Variants in DMD observed in about 807,000 individuals in gnomAD.
DMD encodes dystrophin.
In DMD, 63 loss-of-function variants were observed where a neutral mutation model predicts 330.1. The ratio of observed to expected loss-of-function variants is 0.19; its 90% CI spans 0.16 to 0.24. DMD has a LOEUF of 0.24. Ranked by LOEUF, DMD falls within the 10% of genes least tolerant of loss-of-function variation. The pLI is 1.00. For missense variants in DMD, 3,344 were observed against 2,684.1 expected, an observed-to-expected ratio of 1.25 and a Z score of -5.43; for synonymous variants, 1,223 against 959.8, an observed-to-expected ratio of 1.27 and a Z score of -5.07.
intron 44 of DMD, among the ~76,000 whole-genome samples, chrX:32,096,715 C>T (rs1375031726): frequency 1.8e-5 from 2 of 111,325 alleles, no homozygotes; most frequent in South Asian, 7.5e-4. Context: ...GTTCTGAGTG[C>T]ATCTAACAGA....
At chrX:31,512,239 T>C (rs1471942272) in intron 55 of DMD, among the ~76,000 whole-genome samples, 1 of 109,257 alleles carries the variant, frequency 9.2e-6, no homozygotes, top group Non-Finnish European at 1.9e-5. Flanking sequence ...TATTAGCCCT[T>C]TGTCAGATGA....
intron 55 of DMD, among the ~76,000 whole-genome samples, chrX:31,525,718 T>C (rs183419490): frequency 1.6e-3 from 177 of 112,370 alleles, no homozygotes; most frequent in African/African-American, 5.3e-3. Flanking sequence ...CTGATATATT[T>C]TAAAAGAGGC....
chrX:33,063,577 G>T (rs1378875763), intron 1 of DMD, among the ~76,000 whole-genome samples: 1 of 111,518 alleles, frequency 9.0e-6, no homozygotes, highest in Non-Finnish European at 1.9e-5. Flanking sequence ...TTGCTCCCCG[G>T]CTGATGTACA....
intron 1 of DMD, among the ~76,000 whole-genome samples, chrX:33,131,960 G>A (rs775066118): frequency 1.8e-5 from 2 of 111,818 alleles, no homozygotes; most frequent in South Asian, 7.5e-4. Context: ...GAACCTAATG[G>A]TAACCTGAAA....
chrX:31,128,347 T>C (rs1334021111), intron 77 of DMD, among the ~76,000 whole-genome samples: 1 of 111,190 alleles, frequency 9.0e-6, no homozygotes, highest in Admixed American at 9.6e-5. Context: ...CTGAAGTGAA[T>C]TGGTAAAGTA....
At chrX:31,346,917 T>C (rs1247558246) in intron 61 of DMD, among the ~76,000 whole-genome samples, 1 of 98,136 alleles carries the variant, frequency 1.0e-5, no homozygotes. Context: ...AGGAGAATAG[T>C]TTGAACCCGG....
At chrX:32,561,613 A>C (rs2051016298) in intron 16 of DMD, among the ~76,000 whole-genome samples, 1 of 111,677 alleles carries the variant, frequency 9.0e-6, no homozygotes, top group Non-Finnish European at 1.9e-5. Flanking sequence ...GAACTTCTCC[A>C]ATCTAGAAAG....
chrX:32,307,348 A>G (rs184047866), intron 42 of DMD, among the ~76,000 whole-genome samples: 41 of 111,488 alleles, frequency 3.7e-4, no homozygotes, highest in African/African-American at 1.2e-3. Context: ...GAGTAGTGGT[A>G]TTTATCCACC....
intron 1 of DMD, among the ~76,000 whole-genome samples, chrX:33,098,112 T>C (rs185779913): frequency 5.4e-5 from 6 of 112,091 alleles, no homozygotes; most frequent in African/African-American, 1.9e-4. Context: ...GTAAATATAA[T>C]ACAGCATATT....
rs398123965 is a variant in DMD at position 32,380,611 on chromosome X, C to T, written c.4744G>A (p.Val1582Ile). 121 of 1,208,091 alleles carry T rather than the reference C, an allele frequency of 1.0e-4. 1 individual carries two copies. In the South Asian group the frequency reaches 1.6e-3, roughly 16 times the overall value. Residue 1582 changes from valine (V) to isoleucine (I), a missense_variant, in exon 34 of 79, where the codon GTC (valine) becomes ATC (isoleucine). Transcript: ENST00000357033. ...LSRKMRKEMNVLTEWLAATDM... is the reference protein window; with the variant it reads ...LSRKMRKEMNILTEWLAATDM... The stretch of plus-strand genomic sequence containing the variant: ...GTAGCTGCCAGCCATTCTGTCAAGA[C>T]ATTCATTTCCTTTCGCATCTTACGG...
intron 9 of DMD, among the ~76,000 whole-genome samples, chrX:32,660,315 G>T (rs2060865092): frequency 1.8e-5 from 2 of 110,882 alleles, no homozygotes; most frequent in African/African-American, 6.5e-5. Context: ...GATACTAGAA[G>T]AGGATTAAAG....
At chrX:31,730,691 T>A (rs1375452303) in intron 51 of DMD, among the ~76,000 whole-genome samples, 1 of 111,533 alleles carries the variant, frequency 9.0e-6, no homozygotes, top group Admixed American at 9.6e-5. Flanking sequence ...TTTATTTTAA[T>A]TGGGGAAAAT....
chrX:32,298,255 TTTGGATCAGA>T (rs1479755749), intron 42 of DMD, among the ~76,000 whole-genome samples: 9 of 110,961 alleles, frequency 8.1e-5, no homozygotes, highest in Admixed American at 1.9e-4. Context: ...ATGATGGTGC[TTTGGATCAGA>T]GTGGAGGCAG....
chrX:32,214,148 G>C (rs1366786437), intron 44 of DMD, among the ~76,000 whole-genome samples: 1 of 107,586 alleles, frequency 9.3e-6, no homozygotes, highest in African/African-American at 3.4e-5. Context: ...CATCAAAATA[G>C]TTTGTTTTGG....
At chrX:32,712,216 T>C (rs968823692) in intron 7 of DMD, among the ~76,000 whole-genome samples, 1 of 111,332 alleles carries the variant, frequency 9.0e-6, no homozygotes, top group Non-Finnish European at 1.9e-5. Context: ...GCTGAAATAG[T>C]GAGCAAAAAT....
At chrX:32,043,606 C>T (rs753253843) in intron 44 of DMD, among the ~76,000 whole-genome samples, 1 of 111,770 alleles carries the variant, frequency 8.9e-6, no homozygotes, top group South Asian at 3.7e-4. Context: ...TGATATCAGG[C>T]ACTGTCCTAA....
chrX:32,590,862 G>A (rs1187756340), intron 13 of DMD, among the ~76,000 whole-genome samples: 1 of 111,253 alleles, frequency 9.0e-6, no homozygotes, highest in Non-Finnish European at 1.9e-5. Context: ...ACTTCACCTT[G>A]TAATCATGTG....
At chrX:32,699,011 T>G (rs1241050298) in intron 8 of DMD, 101 bp downstream of exon 8, 8 of 711,723 alleles carry the variant, frequency 1.1e-5, no homozygotes, top group African/African-American at 2.2e-5. Flanking sequence ...TATATACACG[T>G]GTATATACAT....
At position 33,264,849 on chromosome X, in the gene DMD, C is replaced by T. The variant is rs1282388943; in HGVS notation, c.7+74410G>A. Among the ~76,000 whole-genome samples the T allele has an allele frequency of 2.7e-5, 3 of 110,192 alleles. 1 individual carries two copies. The highest frequency in any genetic ancestry group is 5.7e-5 in the Non-Finnish European group (3 of 52,562). ...TGGGAGAGATGCTGGACTATAAACT[C>T]CCATATTCTGAGCTTGTTATCCTGG... On this transcript the variant is annotated intron_variant, in intron 1 of 17. Transcript: ENST00000288447.
Sources: gnomAD v4.1 joint callset for allele counts (sites outside exome capture counted in the v4.1 genomes callset) on GRCh38, gnomAD v4.1.1 for gene constraint, MANE v1.5 for transcripts, NCBI Gene and HGNC (gene_info 2026-07-23, HGNC 2026-07-21) for gene names.